The following GRIP1 variants were observed in gnomAD, a reference collection of about 807,000 sequenced individuals.
GRIP1 encodes glutamate receptor interacting protein 1.
In GRIP1, 45 loss-of-function variants were observed where a neutral mutation model predicts 129.9. The observed-to-expected ratio is 0.35, with a 90% CI of 0.27 to 0.44. GRIP1 has a LOEUF of 0.44. Ranked by LOEUF, GRIP1 falls within the 20% of genes least tolerant of loss-of-function variation. The pLI, the probability that GRIP1 is intolerant of heterozygous loss-of-function variation, is 1.00. For missense variants in GRIP1, 1,196 were observed against 1,396.8 expected, an observed-to-expected ratio of 0.86 and a Z score of 2.29; for synonymous variants, 530 against 520.8, an observed-to-expected ratio of 1.02 and a Z score of -0.24.
intron 1 of GRIP1, among the ~76,000 whole-genome samples, chr12:66,973,300 TGGGGTA>T (rs1316278359): frequency 6.6e-6 from 1 of 151,620 alleles, no homozygotes; most frequent in Non-Finnish European, 1.5e-5. Flanking sequence ...TTCAGGGGTT[TGGGGTA>T]GGTTTTTTTC....
intron 1 of GRIP1, among the ~76,000 whole-genome samples, chr12:66,997,429 G>A (rs977259695): frequency 2.6e-5 from 4 of 151,934 alleles, no homozygotes; most frequent in Admixed American, 2.0e-4. Context: ...AAAATAAGAA[G>A]AATAACAGGA....
At chr12:66,996,098 G>A (rs773557372) in intron 1 of GRIP1, among the ~76,000 whole-genome samples, 3 of 151,916 alleles carry the variant, frequency 2.0e-5, no homozygotes, top group Non-Finnish European at 2.9e-5. Flanking sequence ...CATATCTACC[G>A]AGACAGAAAG....
At chr12:66,750,111 C>T (rs1244944605) in intron 1 of GRIP1, among the ~76,000 whole-genome samples, 1 of 152,146 alleles carries the variant, frequency 6.6e-6, no homozygotes, top group African/African-American at 2.4e-5. Flanking sequence ...TTTTTCTTCT[C>T]TCTAATGAGC....
rs376449308 is a variant in GRIP1, at chr12:66,371,719, G to A, written c.2987C>T (p.Ser996Phe). ...CTTGTGCAGCTCCACAGGAGTTGGA[G>A]ACATGATCTCCTTTATTTCTTGTTT... is the stretch of plus-strand genomic sequence containing the variant. Reference protein sequence around the residue: ...KMKQEIKEIMSPTPVELHKVT... With the variant: ...KMKQEIKEIMFPTPVELHKVT... The change falls in exon 23 of 25, where the codon TCT becomes TTT. Residue 996 changes from serine (S) to phenylalanine (F), a missense_variant. Transcript: ENST00000359742. 1.9e-6 allele frequency: 3 copies of A among 1,612,020 alleles called. No individual in the cohort carries two copies. Among genetic ancestry groups the A allele is most frequent in the African/African-American group, 2.7e-5 (2 of 74,892 alleles).
chr12:66,878,875 A>G (rs1243319908), intron 1 of GRIP1, among the ~76,000 whole-genome samples: 1 of 152,060 alleles, frequency 6.6e-6, no homozygotes. Context: ...AGAAGGTAAC[A>G]TTGGAACAAC....
At chr12:66,503,008 A>G (rs1181061474) in intron 7 of GRIP1, among the ~76,000 whole-genome samples, 1 of 152,134 alleles carries the variant, frequency 6.6e-6, no homozygotes, top group Non-Finnish European at 1.5e-5. Flanking sequence ...ATGTCAGGTG[A>G]TTATCAGGTG....
intron 1 of GRIP1, among the ~76,000 whole-genome samples, chr12:66,604,870 T>C (rs942332854): frequency 1.3e-5 from 2 of 152,174 alleles, no homozygotes; most frequent in Admixed American, 6.5e-5. Flanking sequence ...GGAAAAAGTA[T>C]GTATTAACAG....
At chr12:66,404,919 C>G (rs2057137238) in intron 16 of GRIP1, among the ~76,000 whole-genome samples, 1 of 152,172 alleles carries the variant, frequency 6.6e-6, no homozygotes, top group African/African-American at 2.4e-5. Context: ...GTAGTTCCAG[C>G]TACTCAGGAG....
chr12:66,378,573 C>T (rs139500116), intron 20 of GRIP1, among the ~76,000 whole-genome samples: 2,462 of 151,906 alleles, frequency 0.016, 75 homozygotes, highest in African/African-American at 0.057. Flanking sequence ...ATGACAAAAC[C>T]CCATCTCTAG....
At chr12:66,731,748 TA>T (rs905134891) in intron 1 of GRIP1, among the ~76,000 whole-genome samples, 75 of 152,316 alleles carry the variant, frequency 4.9e-4, no homozygotes, top group African/African-American at 1.7e-3. Context: ...TAAAAGTGGT[TA>T]AAATGGTAAA....
intron 1 of GRIP1, among the ~76,000 whole-genome samples, chr12:66,799,724 CAAGA>C (rs1027002942): frequency 5.3e-4 from 81 of 152,224 alleles, no homozygotes; most frequent in African/African-American, 1.9e-3. Context: ...GCACACTTAT[CAAGA>C]AAGAAAGTCC....
At chr12:66,437,988 T>C (rs563902080) in intron 13 of GRIP1, among the ~76,000 whole-genome samples, 2 of 152,244 alleles carry the variant, frequency 1.3e-5, no homozygotes, top group East Asian at 3.9e-4. Context: ...TTTCCCCATT[T>C]ATAATGAATA....
intron 19 of GRIP1, among the ~76,000 whole-genome samples, chr12:66,391,110 A>G (rs558255947): frequency 9.2e-5 from 14 of 152,320 alleles, no homozygotes; most frequent in Non-Finnish European, 1.9e-4. Flanking sequence ...GGCTGAGAGA[A>G]GGAAACTAGG....
chr12:66,407,723 G>A (rs2057246611), intron 15 of GRIP1, among the ~76,000 whole-genome samples: 2 of 152,190 alleles, frequency 1.3e-5, no homozygotes, highest in African/African-American at 2.4e-5. Context: ...ACTGCTGCAC[G>A]CTAAAGTGTT....
chr12:66,386,360 G>A (rs1279517147), intron 19 of GRIP1, among the ~76,000 whole-genome samples: 3 of 152,138 alleles, frequency 2.0e-5, no homozygotes, highest in African/African-American at 4.8e-5. Flanking sequence ...TCGGCCGGGC[G>A]CTGTGGCTCA....
Position 66,799,381 on chromosome 12 carries a change from C to A in GRIP1, c.-420+4672G>T, listed in dbSNP as rs17182287. Among the ~76,000 whole-genome samples the A allele has an allele frequency of 5.9e-5, 9 of 152,174 alleles. 1 individual carries two copies. The South Asian group carries it at 1.9e-3, about 32-fold the overall frequency. On this transcript the variant is annotated intron_variant, in intron 1 of 4. Coordinates refer to the GRIP1 transcript ENST00000538373. Reference sequence around the variant, plus strand: ...TAATTGATGTTTCTTCTAATTCATTCGGGATTTTTTGAGTTAAACTAAATA... The same window carrying A: ...TAATTGATGTTTCTTCTAATTCATTAGGGATTTTTTGAGTTAAACTAAATA...
chr12:66,939,078 T>A (rs1166152993), intron 1 of GRIP1, among the ~76,000 whole-genome samples: 1 of 151,918 alleles, frequency 6.6e-6, no homozygotes, highest in East Asian at 1.9e-4. Flanking sequence ...ACAGGAGAGG[T>A]AGAGACTTTG....
chr12:66,588,169 G>T (rs1221737208), intron 2 of GRIP1, among the ~76,000 whole-genome samples: 1 of 151,992 alleles, frequency 6.6e-6, no homozygotes, highest in African/African-American at 2.4e-5. Flanking sequence ...ACCAGTTTCA[G>T]AATAAGTAGT....
intron 1 of GRIP1, among the ~76,000 whole-genome samples, chr12:66,699,449 T>C (rs903774916): frequency 2.0e-5 from 3 of 152,164 alleles, no homozygotes; most frequent in African/African-American, 7.2e-5. Flanking sequence ...CATACTGTTC[T>C]CATGGTAGTG....
Sources: allele counts gnomAD v4.1 joint callset (sites outside exome capture counted in the v4.1 genomes callset), GRCh38; gene constraint gnomAD v4.1.1; transcripts MANE v1.5; gene names NCBI Gene and HGNC (gene_info 2026-07-23, HGNC 2026-07-21).